Variants in AIM2 observed in about 807,000 individuals in gnomAD.
AIM2 encodes the protein absent in melanoma 2.
In AIM2, 30 loss-of-function variants were observed where a neutral mutation model predicts 27.7. The ratio of observed to expected loss-of-function variants is 1.08; its 90% CI spans 0.81 to 1.47. The LOEUF is 1.47. Among genes scored for constraint, AIM2 ranks in the 40% most tolerant of loss-of-function variants. The probability of loss-of-function intolerance (pLI) is 0.00; values close to 1 mark genes in which losing one functional copy is unlikely to be tolerated. For synonymous variants in AIM2, 141 were observed against 145.3 expected (o/e 0.97, Z 0.21); for missense variants, 358 against 411.3 (o/e 0.87, Z 1.12).
At chr1:159,124,114 G>C (rs188835375) in intron 1 of AIM2, among the ~76,000 whole-genome samples, 2 of 152,160 alleles carry the variant, frequency 1.3e-5, no homozygotes, top group Admixed American at 6.5e-5. Flanking sequence ...TTGTCTTCTA[G>C]AAATTCTTAC....
At chr1:159,143,581 T>TACAC (rs6143439), upstream of AIM2, among the ~76,000 whole-genome samples, 7,753 of 144,002 alleles carry the variant, frequency 0.054, 229 homozygotes, top group Middle Eastern at 0.07. Flanking sequence ...GCTCAGTGTG[T>TACAC]ACACACACAC....
At chr1:159,071,874 A>G (rs1570944588) in intron 2 of AIM2, among the ~76,000 whole-genome samples, 1 of 152,268 alleles carries the variant, frequency 6.6e-6, no homozygotes, top group Middle Eastern at 3.4e-3. Flanking sequence ...GAGTCCTTGG[A>G]TAATCTACTC....
rs147700449 is a variant in AIM2 at position 159,107,380 on chromosome 1, C to T, written c.-16+33051G>A. ...AAATAAGAATTACTAAAGCAGGATA[C>T]GAAAAATGGATCAGGACTGCAGGGG... On this transcript the variant is annotated intron_variant, in intron 1 of 2. Transcript: ENST00000368129. Among the ~76,000 whole-genome samples, 385 of 151,586 alleles carry T rather than the reference C, an allele frequency of 2.5e-3. 4 individuals carry two copies. Among genetic ancestry groups the T allele is most frequent in the African/African-American group, 8.8e-3 (361 of 41,242 alleles).
intron 1 of AIM2, among the ~76,000 whole-genome samples, chr1:159,116,270 T>C (rs1460945119): frequency 6.6e-6 from 1 of 152,148 alleles, no homozygotes; most frequent in African/African-American, 2.4e-5. Flanking sequence ...TGGAAGTCAG[T>C]GTGGCGATTC....
At chr1:159,136,105 C>T (rs1004540450) in intron 1 of AIM2, among the ~76,000 whole-genome samples, 1 of 152,138 alleles carries the variant, frequency 6.6e-6, no homozygotes, top group African/African-American at 2.4e-5. Flanking sequence ...ACAGTGATCA[C>T]TATGGGCAGA....
At chr1:159,086,790 G>A (rs1656924001) in intron 1 of AIM2, among the ~76,000 whole-genome samples, 1 of 152,182 alleles carries the variant, frequency 6.6e-6, no homozygotes, top group Non-Finnish European at 1.5e-5. Context: ...CCTAATCCTA[G>A]AAGGTGTTGT....
chr1:159,088,642 G>T (rs775690941), intron 1 of AIM2, among the ~76,000 whole-genome samples: 1 of 152,206 alleles, frequency 6.6e-6, no homozygotes, highest in African/African-American at 2.4e-5. Flanking sequence ...GGGTCTTTAA[G>T]AGGTGATGAG....
chr1:159,105,789 G>A (rs550994829), intron 1 of AIM2, among the ~76,000 whole-genome samples: 1 of 152,156 alleles, frequency 6.6e-6, no homozygotes, highest in Non-Finnish European at 1.5e-5. Flanking sequence ...TCAGAAGAGA[G>A]AAAGTGTGTA....
intron 3 of AIM2, among the ~76,000 whole-genome samples, chr1:159,067,513 G>T (rs888336371): frequency 6.6e-6 from 1 of 152,182 alleles, no homozygotes; most frequent in African/African-American, 2.4e-5. Flanking sequence ...GCCCTGATGG[G>T]CAGCATAACT....
chr1:159,124,218 T>C (rs1384657692), intron 1 of AIM2, among the ~76,000 whole-genome samples: 1 of 152,252 alleles, frequency 6.6e-6, no homozygotes, highest in Non-Finnish European at 1.5e-5. Context: ...AATGATATTT[T>C]ATGGTAGTAA....
chr1:159,098,583 A>C (rs1557903773), intron 1 of AIM2, among the ~76,000 whole-genome samples: 1 of 152,316 alleles, frequency 6.6e-6, no homozygotes, highest in Admixed American at 6.5e-5. Context: ...AAAGATAAAA[A>C]TAAGTACACA....
At chr1:159,066,378 T>C (rs1395275178) in intron 3 of AIM2, 49 bp from the exon 4 acceptor site, 14 of 1,550,584 alleles carry the variant, frequency 9.0e-6, no homozygotes, top group Admixed American at 2.0e-5. Context: ...AAAGGTACTA[T>C]TGAAAGGACC....
intron 5 of AIM2, 134 bp downstream of exon 5, chr1:159,063,352 T>C (rs1163512375): frequency 1.2e-6 from 1 of 805,272 alleles, no homozygotes; most frequent in African/African-American, 1.7e-5. Flanking sequence ...TCCTCAGTTC[T>C]GTGAGATGAA....
In AIM2 at chr1:159,129,960, T is replaced by C. The variant is rs114113348; in HGVS notation, c.-16+10471A>G. On this transcript the variant is annotated intron_variant, in intron 1 of 2. Coordinates refer to the AIM2 transcript ENST00000368129. ...ACACTCCTTGCTTCTCCTTCCTCAC[T>C]TCTCACTCACTTGGGAACTCACTAA... Among the ~76,000 whole-genome samples the C allele has an allele frequency of 7.9e-3, 1,198 of 152,320 alleles. 16 individuals are homozygous for C. The highest frequency in any genetic ancestry group is 0.027 in the African/African-American group (1,122 of 41,556).
At chr1:159,093,074 G>T (rs1212049892) in intron 1 of AIM2, among the ~76,000 whole-genome samples, 1 of 124,048 alleles carries the variant, frequency 8.1e-6, no homozygotes, top group Non-Finnish European at 1.8e-5. Context: ...TAAATAATTT[G>T]ATCCCAGAAC....
At chr1:159,104,758 T>C (rs1657394185) in intron 1 of AIM2, among the ~76,000 whole-genome samples, 1 of 152,240 alleles carries the variant, frequency 6.6e-6, no homozygotes, top group Non-Finnish European at 1.5e-5. Context: ...TTGCATTATA[T>C]TTTTATTGGA....
At position 159,146,481 on chromosome 1, in the gene AIM2, A is replaced by G. The variant is rs190089594; in HGVS notation, n.87+529T>C. Among the ~76,000 whole-genome samples, 508 of 151,858 alleles carry G rather than the reference A, an allele frequency of 3.3e-3. 4 individuals are homozygous for G. Among genetic ancestry groups the G allele is most frequent in the African/African-American group, 0.011 (469 of 41,394 alleles). On this transcript the variant is annotated intron_variant and non_coding_transcript_variant, in intron 1 of 6. Transcript: ENST00000411768. ...TCCTTGGGGTATATAACCCTTAGTC[A>G]TTTCCTGCTTTAAAATGTTCTTCTC...
intron 1 of AIM2, among the ~76,000 whole-genome samples, chr1:159,127,287 T>C (rs889392242): frequency 6.6e-6 from 1 of 152,240 alleles, no homozygotes. Flanking sequence ...TATAATTTAT[T>C]TCACAATAAA....
chr1:159,086,330 A>G (rs1399333560), intron 1 of AIM2, among the ~76,000 whole-genome samples: 2 of 152,228 alleles, frequency 1.3e-5, no homozygotes, highest in African/African-American at 2.4e-5. Context: ...CCTCGTTGTC[A>G]GTGTCTCTCC....
Sources: allele counts gnomAD v4.1 joint callset (sites outside exome capture counted in the v4.1 genomes callset), GRCh38; gene constraint gnomAD v4.1.1; transcripts MANE v1.5; gene names NCBI Gene and HGNC (gene_info 2026-07-23, HGNC 2026-07-21).